Variants in METTL15 observed in about 807,000 individuals in gnomAD.
The protein encoded by METTL15 is 12S rRNA N(4)-cytidine methyltransferase METTL15.
A neutral mutation model predicts 38.3 loss-of-function variants in METTL15; 34 were observed. That is an observed-to-expected ratio of 0.89 (90% confidence interval 0.68 to 1.18). The LOEUF (loss-of-function observed/expected upper bound fraction) is 1.18, where lower values mean the gene tolerates loss of function less well. Among genes scored for constraint, METTL15 ranks in the 50% most tolerant of loss-of-function variants. The probability of loss-of-function intolerance (pLI) is 0.00; values close to 1 mark genes in which losing one functional copy is unlikely to be tolerated. For synonymous variants in METTL15, 162 were observed against 170.9 expected (o/e 0.95, Z 0.41); for missense variants, 438 against 498.4 (o/e 0.88, Z 1.15).
At chr11:28,216,921 A>G (rs1852908714) in intron 4 of METTL15, among the ~76,000 whole-genome samples, 3 of 151,796 alleles carry the variant, frequency 2.0e-5, no homozygotes, top group Admixed American at 6.6e-5. Flanking sequence ...ATAGTATTCC[A>G]TGGTGTATAT....
chr11:28,337,224 A>C (rs1445834657), downstream of METTL15, among the ~76,000 whole-genome samples: 3 of 152,118 alleles, frequency 2.0e-5, no homozygotes, highest in African/African-American at 7.2e-5. Context: ...CTTTAAGCTA[A>C]AGTAGTTTAT....
At chr11:28,429,572 C>A (rs1298899568) in intron 6 of METTL15, among the ~76,000 whole-genome samples, 1 of 89,976 alleles carries the variant, frequency 1.1e-5, no homozygotes, top group African/African-American at 4.5e-5. Context: ...TTGGCCGGGC[C>A]GGTCTCCAGC....
At chr11:28,297,413 C>G (rs922884252) in intron 6 of METTL15, among the ~76,000 whole-genome samples, 3 of 152,100 alleles carry the variant, frequency 2.0e-5, no homozygotes, top group African/African-American at 7.2e-5. Context: ...AAATAAAATA[C>G]AGTGACTCAT....
intron 3 of METTL15, chr11:28,163,248 G>A (rs1337377343): frequency 1.3e-5 from 5 of 395,632 alleles, no homozygotes; most frequent in Non-Finnish European, 2.2e-5. Flanking sequence ...GTGTTTTGAT[G>A]ATTAATTTGT....
intron 6 of METTL15, among the ~76,000 whole-genome samples, chr11:28,322,990 T>C (rs1307755805): frequency 6.6e-6 from 1 of 152,172 alleles, no homozygotes; most frequent in Non-Finnish European, 1.5e-5. Flanking sequence ...GTAAACTAAG[T>C]TGTAGATTAT....
chr11:28,499,909 G>A (rs1014654753), intron 6 of METTL15, among the ~76,000 whole-genome samples: 48 of 152,216 alleles, frequency 3.2e-4, no homozygotes, highest in African/African-American at 1.1e-3. Flanking sequence ...ATCTAACTTT[G>A]CTGATGCATG....
chr11:28,345,338 G>A (rs533933241), intron 3 of METTL15, among the ~76,000 whole-genome samples: 19 of 152,150 alleles, frequency 1.2e-4, no homozygotes, highest in Non-Finnish European at 2.2e-4. Flanking sequence ...ACAGGCGTGC[G>A]CCACCACGCC....
intron 3 of METTL15, among the ~76,000 whole-genome samples, chr11:28,137,846 A>G (rs769211421): frequency 1.3e-5 from 2 of 151,972 alleles, no homozygotes; most frequent in Non-Finnish European, 2.9e-5. Context: ...AGGCCAATCA[A>G]TTAGAGCTAT....
At chr11:28,236,223 G>C (rs543992856) in intron 4 of METTL15, among the ~76,000 whole-genome samples, 2 of 151,946 alleles carry the variant, frequency 1.3e-5, no homozygotes, top group Admixed American at 6.6e-5. Flanking sequence ...ATTTTATTGA[G>C]GATTTTTGCA....
At chr11:28,214,821 T>G (rs1050046905) in intron 4 of METTL15, among the ~76,000 whole-genome samples, 4 of 152,152 alleles carry the variant, frequency 2.6e-5, no homozygotes, top group Non-Finnish European at 5.9e-5. Flanking sequence ...CTTATAAAAT[T>G]AGTAAGATGA....
At chr11:28,305,266 G>T (rs765627008) in intron 6 of METTL15, among the ~76,000 whole-genome samples, 2 of 152,128 alleles carry the variant, frequency 1.3e-5, no homozygotes, top group African/African-American at 4.8e-5. Context: ...GCTGTTCTCA[G>T]TTTGTGGCAC....
At chr11:28,266,138 G>T (rs1855407715) in intron 4 of METTL15, among the ~76,000 whole-genome samples, 1 of 152,164 alleles carries the variant, frequency 6.6e-6, no homozygotes, top group Non-Finnish European at 1.5e-5. Flanking sequence ...AACCGTTGTG[G>T]AAGTCAGTGT....
intron 3 of METTL15, among the ~76,000 whole-genome samples, chr11:28,175,882 G>A (rs1165024017): frequency 6.6e-6 from 1 of 151,470 alleles, no homozygotes; most frequent in Non-Finnish European, 1.5e-5. Flanking sequence ...CTCATATATT[G>A]GTGTAAGAGA....
At chr11:28,259,991 C>T (rs1042259210) in intron 4 of METTL15, among the ~76,000 whole-genome samples, 6 of 152,310 alleles carry the variant, frequency 3.9e-5, no homozygotes, top group Non-Finnish European at 7.3e-5. Flanking sequence ...ACTCCTTATA[C>T]AGCCACTTCT....
At chr11:28,467,501 C>T (rs915506947) in intron 6 of METTL15, among the ~76,000 whole-genome samples, 1 of 152,194 alleles carries the variant, frequency 6.6e-6, no homozygotes, top group Non-Finnish European at 1.5e-5. Flanking sequence ...TTATTCTCAA[C>T]TGCTCACATT....
chr11:28,224,433 A>T (rs769797904), intron 4 of METTL15, among the ~76,000 whole-genome samples: 9 of 151,954 alleles, frequency 5.9e-5, no homozygotes, highest in African/African-American at 9.6e-5. Flanking sequence ...AATTAAAATT[A>T]AAAAATGCAG....
intron 6 of METTL15, among the ~76,000 whole-genome samples, chr11:28,514,377 G>A (rs1484981644): frequency 6.6e-6 from 1 of 152,156 alleles, no homozygotes; most frequent in Non-Finnish European, 1.5e-5. Context: ...GCAGCCACAA[G>A]GGAAGTCACT....
At chr11:28,186,983 A>T (rs1056531507) in intron 3 of METTL15, among the ~76,000 whole-genome samples, 1 of 151,162 alleles carries the variant, frequency 6.6e-6, no homozygotes, top group Non-Finnish European at 1.5e-5. Context: ...GTGTTAATAT[A>T]CTTATAAAGA....
chr11:28,510,280 T>C (rs1453336502), intron 6 of METTL15, among the ~76,000 whole-genome samples: 1 of 152,210 alleles, frequency 6.6e-6, no homozygotes, highest in Non-Finnish European at 1.5e-5. Context: ...CAGTACTAGA[T>C]ACCATAAATC....
Sources: gnomAD v4.1 joint callset for allele counts (sites outside exome capture counted in the v4.1 genomes callset) on GRCh38, gnomAD v4.1.1 for gene constraint, MANE v1.5 for transcripts, NCBI Gene and HGNC (gene_info 2026-07-23, HGNC 2026-07-21) for gene names.